Variants in ERICH3 observed in about 807,000 individuals in gnomAD.
ERICH3 encodes glutamate-rich protein 3.
In ERICH3, 126 loss-of-function variants were observed where a neutral mutation model predicts 131.1. That is an observed-to-expected ratio of 0.96 (90% confidence interval 0.83 to 1.11). The LOEUF (loss-of-function observed/expected upper bound fraction) is 1.11, where lower values mean the gene tolerates loss of function less well. ERICH3 is among the 50% of genes most tolerant of loss of function. ERICH3 has a pLI of 0.00. For synonymous variants in ERICH3, 695 were observed against 644.6 expected, an observed-to-expected ratio of 1.08 and a Z score of -1.18; for missense variants, 2,050 against 1,810.7, an observed-to-expected ratio of 1.13 and a Z score of -2.40.
intron 10 of ERICH3, among the ~76,000 whole-genome samples, chr1:74,606,017 T>C (rs1268838652): frequency 7.6e-5 from 6 of 79,178 alleles, no homozygotes; most frequent in Admixed American, 4.0e-4. Context: ...TCTGTGTGTG[T>C]GTGTGGGTGG....
chr1:74,628,017 A>G (rs973459971), intron 7 of ERICH3, among the ~76,000 whole-genome samples: 4 of 152,190 alleles, frequency 2.6e-5, no homozygotes, highest in Admixed American at 6.5e-5. Context: ...ATATTAAATC[A>G]TAACTGCATA....
chr1:74,573,859 TTCTC>T (rs992599333), intron 13 of ERICH3, among the ~76,000 whole-genome samples: 1 of 151,552 alleles, frequency 6.6e-6, no homozygotes, highest in African/African-American at 2.4e-5. Context: ...GGCTTCCTCT[TTCTC>T]TCTCTCTCTC....
chr1:74,614,543 A>G (rs537291089), intron 8 of ERICH3, among the ~76,000 whole-genome samples: 2,193 of 150,996 alleles, frequency 0.015, 74 homozygotes, highest in African/African-American at 0.051. Context: ...CGGGCGTGGT[A>G]GCGGGCACCT....
chr1:74,598,990 T>A (rs1647990699), intron 11 of ERICH3, among the ~76,000 whole-genome samples: 1 of 151,958 alleles, frequency 6.6e-6, no homozygotes, highest in African/African-American at 2.4e-5. Context: ...CATACACGTA[T>A]TGACTTTTTA....
At chr1:74,661,173 A>G (rs1179850990) in intron 1 of ERICH3, among the ~76,000 whole-genome samples, 1 of 152,166 alleles carries the variant, frequency 6.6e-6, no homozygotes, top group African/African-American at 2.4e-5. Context: ...TAAAATGGTA[A>G]TGACATCTGG....
intron 2 of ERICH3, 93 bp from the exon 3 acceptor site, chr1:74,646,885 G>GACACACAC: frequency 6.8e-6 from 2 of 293,686 alleles, no homozygotes; most frequent in South Asian, 4.3e-5. Flanking sequence ...GGAGAAGACA[G>GACACACAC]ACAGACACAC....
At chr1:74,579,779 C>T in intron 12 of ERICH3, 3 of 985,316 alleles carry the variant, frequency 3.0e-6, no homozygotes, top group Non-Finnish European at 2.4e-6. Flanking sequence ...CTGTATTTAG[C>T]CCTTCATCCC....
chr1:74,592,722 T>C (rs974283197), intron 11 of ERICH3, among the ~76,000 whole-genome samples: 1 of 152,168 alleles, frequency 6.6e-6, no homozygotes, highest in Admixed American at 6.6e-5. Flanking sequence ...GGCCTCGAAG[T>C]GGCCAGGGCA....
At chr1:74,592,364 G>A (rs1440165479) in intron 11 of ERICH3, 1 of 151,404 alleles carries the variant, frequency 6.6e-6, no homozygotes, top group Non-Finnish European at 1.5e-5. Context: ...GAAACTTTAG[G>A]GTCTATGAAC....
At chr1:74,654,674 G>T (rs1471479829) in intron 1 of ERICH3, among the ~76,000 whole-genome samples, 1 of 152,036 alleles carries the variant, frequency 6.6e-6, no homozygotes, top group African/African-American at 2.4e-5. Flanking sequence ...ACCTCCCAAA[G>T]GCCTCATCTC....
At chr1:74,604,374 G>A (rs761489833) in intron 10 of ERICH3, among the ~76,000 whole-genome samples, 2 of 151,868 alleles carry the variant, frequency 1.3e-5, no homozygotes, top group Non-Finnish European at 2.9e-5. Context: ...TCAAACTCCT[G>A]TTCATGTTGA....
intron 10 of ERICH3, among the ~76,000 whole-genome samples, chr1:74,602,555 C>T (rs1336077929): frequency 6.6e-6 from 1 of 151,886 alleles, no homozygotes; most frequent in Non-Finnish European, 1.5e-5. Flanking sequence ...TTGATTCAAA[C>T]TTCTTGCTGT....
intron 1 of ERICH3, among the ~76,000 whole-genome samples, chr1:74,650,288 T>G (rs537045416): frequency 3.3e-5 from 5 of 152,298 alleles, no homozygotes; most frequent in African/African-American, 1.2e-4. Context: ...AATTGGTTTG[T>G]TGATTATATG....
At chr1:74,663,837 A>G (rs1292527740) in intron 1 of ERICH3, among the ~76,000 whole-genome samples, 4 of 152,052 alleles carry the variant, frequency 2.6e-5, no homozygotes, top group Non-Finnish European at 1.5e-5. Context: ...TTTTATTATT[A>G]TTTAAGCCAC....
At chr1:74,622,777 A>G (rs1407586771) in intron 7 of ERICH3, 2 of 152,182 alleles carry the variant, frequency 1.3e-5, no homozygotes, top group East Asian at 3.9e-4. Flanking sequence ...GAAACTTTTA[A>G]AGAGAAAAAT....
chr1:74,672,694 G>GTATCATAATAAAAAATCGTCTAATA (rs1553168671), intron 1 of ERICH3, among the ~76,000 whole-genome samples: 2 of 152,146 alleles, frequency 1.3e-5, no homozygotes, highest in South Asian at 4.2e-4. Context: ...CTTACTAGAT[G>GTATCATAATAAAAAATCGTCTAATA]TATCATAATA....
intron 12 of ERICH3, among the ~76,000 whole-genome samples, chr1:74,577,779 G>A (rs1465024182): frequency 6.6e-6 from 1 of 152,100 alleles, no homozygotes; most frequent in Non-Finnish European, 1.5e-5. Flanking sequence ...CACATGCAAT[G>A]AAATAATTGA....
intron 5 of ERICH3, among the ~76,000 whole-genome samples, chr1:74,637,214 C>T (rs1646397313): frequency 6.6e-6 from 1 of 152,050 alleles, no homozygotes; most frequent in Non-Finnish European, 1.5e-5. Flanking sequence ...AAATTAGGGT[C>T]TTTCTTCTCC....
intron 8 of ERICH3, among the ~76,000 whole-genome samples, chr1:74,617,946 A>G (rs1437918101): frequency 2.0e-5 from 3 of 152,156 alleles, no homozygotes; most frequent in Admixed American, 6.5e-5. Flanking sequence ...TGTAATCCCA[A>G]TGCTTTGTGA....
Sources: allele counts gnomAD v4.1 joint callset (sites outside exome capture counted in the v4.1 genomes callset), GRCh38; gene constraint gnomAD v4.1.1; transcripts MANE v1.5; gene names NCBI Gene and HGNC (gene_info 2026-07-23, HGNC 2026-07-21).